Variants in ABTB3 observed in about 807,000 individuals in gnomAD.
ABTB3 encodes ankyrin repeat- and BTB/POZ domain-containing protein 3.
the ABTB3 span, among the ~76,000 whole-genome samples, chr12:107,593,252 C>T: frequency 6.6e-6 from 1 of 152,190 alleles, no homozygotes; most frequent in Non-Finnish European, 1.5e-5. Flanking sequence ...TTTCCCACTA[C>T]AGTGGCAGAG....
At chr12:107,642,180 C>T in the ABTB3 span, 1 of 1,612,608 alleles carries the variant, frequency 6.2e-7, no homozygotes, top group Non-Finnish European at 8.5e-7. Context: ...AGGTGAGCCC[C>T]TGGTGTGGCC....
At chr12:107,627,378 T>C in the ABTB3 span, among the ~76,000 whole-genome samples, 2 of 152,186 alleles carry the variant, frequency 1.3e-5, no homozygotes, top group African/African-American at 2.4e-5. Context: ...GTGTGCCAGG[T>C]GCCATTCCAG....
the ABTB3 span, among the ~76,000 whole-genome samples, chr12:107,358,755 C>T: frequency 2.0e-5 from 3 of 152,272 alleles, no homozygotes; most frequent in South Asian, 4.1e-4. Flanking sequence ...CCACCACACA[C>T]AGCTAAGTTT....
At chr12:107,640,341 C>G in the ABTB3 span, 1 of 1,594,282 alleles carries the variant, frequency 6.3e-7, no homozygotes, top group Middle Eastern at 1.7e-4. Flanking sequence ...AAAGAAATGT[C>G]TGATGTTACA....
the ABTB3 span, among the ~76,000 whole-genome samples, chr12:107,623,679 T>C: frequency 7.3e-3 from 1,118 of 152,276 alleles, 9 homozygotes; most frequent in Non-Finnish European, 0.01. Flanking sequence ...TAGCTTATTT[T>C]TCTAACACAT....
the ABTB3 span, chr12:107,619,996 G>A: frequency 1.2e-6 from 2 of 1,612,704 alleles, no homozygotes; most frequent in Admixed American, 1.7e-5. Flanking sequence ...GCGTCCCGTG[G>A]ACTCTGCACA....
At chr12:107,354,041 T>C in the ABTB3 span, among the ~76,000 whole-genome samples, 1 of 152,188 alleles carries the variant, frequency 6.6e-6, no homozygotes, top group Non-Finnish European at 1.5e-5. Context: ...TTTTTCTGTT[T>C]TTATTGTACA....
chr12:107,435,578 T>C, the ABTB3 span, among the ~76,000 whole-genome samples: 1 of 152,200 alleles, frequency 6.6e-6, no homozygotes. Context: ...TGGCACACAG[T>C]AGGTGCTAGG....
At chr12:107,503,339 T>G in the ABTB3 span, among the ~76,000 whole-genome samples, 1 of 152,058 alleles carries the variant, frequency 6.6e-6, no homozygotes, top group Non-Finnish European at 1.5e-5. Flanking sequence ...AGTTTACATT[T>G]GAAAAGTGTG....
chr12:107,513,921 A>T, the ABTB3 span, among the ~76,000 whole-genome samples: 6 of 152,232 alleles, frequency 3.9e-5, no homozygotes, highest in African/African-American at 1.4e-4. Context: ...GTCTGTCTCC[A>T]GTTGCACAAG....
chr12:107,472,227 TTGGAGCAGC>T, the ABTB3 span, among the ~76,000 whole-genome samples: 1 of 152,130 alleles, frequency 6.6e-6, no homozygotes, highest in South Asian at 2.1e-4. Context: ...GATGAAGAGC[TTGGAGCAGC>T]TGGCACGTAT....
At chr12:107,394,360 G>A in the ABTB3 span, among the ~76,000 whole-genome samples, 1 of 152,104 alleles carries the variant, frequency 6.6e-6, no homozygotes, top group African/African-American at 2.4e-5. Flanking sequence ...TTTCCCTTTA[G>A]CAAACCTTCC....
the ABTB3 span, among the ~76,000 whole-genome samples, chr12:107,358,448 T>C: frequency 6.6e-6 from 1 of 152,140 alleles, no homozygotes; most frequent in African/African-American, 2.4e-5. Context: ...TGGAGTGCAT[T>C]GCGGAGGGGA....
At chr12:107,628,243 C>T in the ABTB3 span, among the ~76,000 whole-genome samples, 3 of 152,280 alleles carry the variant, frequency 2.0e-5, no homozygotes, top group Non-Finnish European at 2.9e-5. Context: ...CAGGTTCAAG[C>T]GACTCTCATG....
At chr12:107,499,075 C>A in the ABTB3 span, among the ~76,000 whole-genome samples, 2 of 152,048 alleles carry the variant, frequency 1.3e-5, no homozygotes, top group Non-Finnish European at 2.9e-5. Flanking sequence ...AAGGAGGGAC[C>A]ATTGCCCTCT....
At chr12:107,544,260 G>A in the ABTB3 span, 23 of 1,065,304 alleles carry the variant, frequency 2.2e-5, no homozygotes, top group South Asian at 3.3e-4. Context: ...TTGCCAGAGT[G>A]GTCCCGGTGG....
chr12:107,443,093 C>G, the ABTB3 span, among the ~76,000 whole-genome samples: 1 of 152,004 alleles, frequency 6.6e-6, no homozygotes. Flanking sequence ...CCCAAAGGGC[C>G]CCATCTCCTA....
chr12:107,333,118 C>T, the ABTB3 span, among the ~76,000 whole-genome samples: 1 of 152,176 alleles, frequency 6.6e-6, no homozygotes, highest in Non-Finnish European at 1.5e-5. Flanking sequence ...GCTTTCACCC[C>T]CTCCCTCATT....
At chr12:107,616,967 G>A in the ABTB3 span, 28 of 959,432 alleles carry the variant, frequency 2.9e-5, no homozygotes, top group Middle Eastern at 2.7e-4. Context: ...GCCTGTGCAC[G>A]CTGTCACCAA....
Sources: gnomAD v4.1 joint callset for allele counts (sites outside exome capture counted in the v4.1 genomes callset) on GRCh38, gnomAD v4.1.1 for gene constraint, MANE v1.5 for transcripts, NCBI Gene and HGNC (gene_info 2026-07-23, HGNC 2026-07-21) for gene names.